PRH1: variants seen among roughly 807,000 people sequenced by gnomAD.
PRH1 encodes the protein proline rich protein HaeIII subfamily 1, also known as salivary acidic proline-rich phosphoprotein 1/2.
PRH1 carries 7 observed loss-of-function variants against 7.9 expected under a neutral mutation model. That is an observed-to-expected ratio of 0.89 (90% CI 0.50 to 1.67). The LOEUF is 1.67. Ranked by LOEUF, PRH1 falls within the 40% of genes most tolerant of loss-of-function variation. The pLI is 0.00. For synonymous variants in PRH1, 45 were observed against 80.8 expected (o/e 0.56, Z 2.38); for missense variants, 109 against 223.6 (o/e 0.49, Z 3.27).
intron 1 of PRH1, among the ~76,000 whole-genome samples, chr12:11,134,986 T>C (rs1298675193): frequency 2.0e-5 from 3 of 152,164 alleles, no homozygotes; most frequent in Admixed American, 1.3e-4. Flanking sequence ...AAAAATCAGT[T>C]TCCAGGAGGT....
At chr12:10,935,355 T>C (rs1222355981) in intron 2 of PRH1, among the ~76,000 whole-genome samples, 2 of 152,162 alleles carry the variant, frequency 1.3e-5, no homozygotes, top group African/African-American at 4.8e-5. Context: ...ATATTATATA[T>C]CAAAATATTT....
In PRH1 at chr12:11,045,062, C is replaced by T. The variant is rs1440899287; in HGVS notation, c.-126+1958G>A. On this transcript the variant is annotated intron_variant, in intron 1 of 3. Transcript: ENST00000539853. The stretch of plus-strand genomic sequence containing the variant: ...CATGATTTGGAAGCAACCTGAGTGT[C>T]CAGCAACAGATTAATAGATAAAGAT... Among the ~76,000 whole-genome samples, 5 of 151,984 alleles carry T rather than the reference C, an allele frequency of 3.3e-5. No homozygotes were observed. The South Asian group carries it at 1.0e-3, about 31-fold the overall frequency.
At chr12:11,039,244 G>C (rs1158169091) in intron 1 of PRH1, among the ~76,000 whole-genome samples, 4 of 149,770 alleles carry the variant, frequency 2.7e-5, no homozygotes, top group South Asian at 2.2e-4. Context: ...CCCTTTACCT[G>C]ACTTTTACTT....
chr12:10,930,430 C>T (rs559180955), intron 2 of PRH1: 1 of 1,461,972 alleles, frequency 6.8e-7, no homozygotes, highest in Non-Finnish European at 9.4e-7. Flanking sequence ...GAGATATAAA[C>T]AGTTTTCTCC....
chr12:10,988,457 G>A (rs970630941), intron 1 of PRH1, among the ~76,000 whole-genome samples: 6 of 152,074 alleles, frequency 3.9e-5, no homozygotes, highest in Non-Finnish European at 7.4e-5. Context: ...TCCATATGTT[G>A]CAGCTAAAAT....
chr12:11,128,130 AG>A (rs1279841258), intron 1 of PRH1, among the ~76,000 whole-genome samples: 1 of 151,416 alleles, frequency 6.6e-6, no homozygotes, highest in Non-Finnish European at 1.5e-5. Context: ...AAAAAGAAAA[AG>A]AAAAAGAAAA....
chr12:10,938,629 C>T (rs767155898), intron 2 of PRH1: 1 of 1,613,722 alleles, frequency 6.2e-7, no homozygotes, highest in Non-Finnish European at 8.5e-7. Context: ...TTGCCAGGGA[C>T]AAAGTAAAGG....
chr12:10,997,719 C>CT lies in PRH1; in HGVS notation c.-125-23999dup, dbSNP rs754891869. ...ACCCAGAGCAAACCAACTCTGGAGACTGCCAGAGCAGCAATAATTTGATCA... is the reference window on the plus strand; with the variant it reads ...ACCCAGAGCAAACCAACTCTGGAGACTTGCCAGAGCAGCAATAATTTGATCA... On this transcript the variant is annotated intron_variant, in intron 1 of 3. Coordinates refer to the PRH1 transcript ENST00000539853. 4 of 1,613,870 alleles carry CT rather than the reference C, an allele frequency of 2.5e-6. No homozygotes were observed. The Admixed American group carries it at 5.0e-5, about 20-fold the overall frequency.
At chr12:11,033,062 A>G (rs775029779) in intron 1 of PRH1, among the ~76,000 whole-genome samples, 12 of 152,180 alleles carry the variant, frequency 7.9e-5, no homozygotes, top group Non-Finnish European at 1.5e-4. Flanking sequence ...AATTTGGCCC[A>G]TCTCAAATCA....
At chr12:11,129,524 C>G (rs575476367) in intron 1 of PRH1, among the ~76,000 whole-genome samples, 1 of 152,416 alleles carries the variant, frequency 6.6e-6, no homozygotes, top group South Asian at 2.1e-4. Flanking sequence ...GGATGGTAGT[C>G]TTTTCTATAA....
At chr12:10,891,277 T>C (rs899835676) in intron 2 of PRH1, among the ~76,000 whole-genome samples, 1 of 152,174 alleles carries the variant, frequency 6.6e-6, no homozygotes, top group Non-Finnish European at 1.5e-5. Flanking sequence ...CTTTGGGAGA[T>C]CCTTAATCTT....
At chr12:10,950,138 T>C (rs1950547028) in intron 2 of PRH1, among the ~76,000 whole-genome samples, 1 of 152,162 alleles carries the variant, frequency 6.6e-6, no homozygotes, top group South Asian at 2.1e-4. Flanking sequence ...TATGCCATAA[T>C]TTATTTATCA....
At chr12:10,954,770 C>A (rs1213761621) in intron 2 of PRH1, among the ~76,000 whole-genome samples, 1 of 152,168 alleles carries the variant, frequency 6.6e-6, no homozygotes, top group Non-Finnish European at 1.5e-5. Context: ...AGCCATGGCA[C>A]CTGACCTTGA....
intron 1 of PRH1, among the ~76,000 whole-genome samples, chr12:11,074,342 A>G (rs1327272587): frequency 6.6e-6 from 1 of 151,014 alleles, no homozygotes; most frequent in Non-Finnish European, 1.5e-5. Flanking sequence ...ACATTTTTAT[A>G]AAGTAGGGAG....
At chr12:11,064,860 G>A (rs1316663814) in intron 1 of PRH1, among the ~76,000 whole-genome samples, 1 of 151,950 alleles carries the variant, frequency 6.6e-6, no homozygotes, top group Non-Finnish European at 1.5e-5. Context: ...AGGAGTTCAA[G>A]ACCAGCCTGT....
chr12:11,154,614 G>T (rs7979501), intron 1 of PRH1, among the ~76,000 whole-genome samples: 2 of 152,196 alleles, frequency 1.3e-5, no homozygotes, highest in Non-Finnish European at 2.9e-5. Flanking sequence ...TTATGCAGAT[G>T]AAGTCACCCA....
At chr12:10,939,552 T>G (rs914762423) in intron 2 of PRH1, among the ~76,000 whole-genome samples, 3 of 49,430 alleles carry the variant, frequency 6.1e-5, no homozygotes, top group African/African-American at 2.0e-4. Context: ...GGTTTGTGTG[T>G]TTTTTTTTTT....
At chr12:11,003,132 TTTAAA>T (rs1046764202) in intron 1 of PRH1, among the ~76,000 whole-genome samples, 10 of 152,032 alleles carry the variant, frequency 6.6e-5, no homozygotes, top group Admixed American at 5.2e-4. Context: ...ATCTTTCTTT[TTTAAA>T]TTAATTTTTA....
At chr12:10,939,674 C>T (rs539995992) in intron 2 of PRH1, among the ~76,000 whole-genome samples, 2 of 151,198 alleles carry the variant, frequency 1.3e-5, no homozygotes, top group South Asian at 2.1e-4. Context: ...TACATACTTC[C>T]GTGTTTGGGT....
Sources: allele counts gnomAD v4.1 joint callset (sites outside exome capture counted in the v4.1 genomes callset), GRCh38; gene constraint gnomAD v4.1.1; transcripts MANE v1.5; gene names NCBI Gene and HGNC (gene_info 2026-07-23, HGNC 2026-07-21).